The following MACROD2 variants were observed in gnomAD, a reference collection of about 807,000 sequenced individuals.
MACROD2 encodes the protein ADP-ribose glycohydrolase MACROD2.
MACROD2 carries 36 observed loss-of-function variants against 70.4 expected under a neutral mutation model. The ratio of observed to expected loss-of-function variants is 0.51; its 90% confidence interval spans 0.39 to 0.68. MACROD2 has a LOEUF of 0.68. Ranked by LOEUF, MACROD2 falls within the 30% of genes least tolerant of loss-of-function variation. MACROD2 has a pLI of 0.00. For synonymous variants in MACROD2, 172 were observed against 178.8 expected (o/e 0.96, Z 0.30); for missense variants, 496 against 538.4 (o/e 0.92, Z 0.78).
chr20:15,314,428 TTAAAA>T (rs1347780192), intron 6 of MACROD2, among the ~76,000 whole-genome samples: 6 of 152,178 alleles, frequency 3.9e-5, no homozygotes, highest in South Asian at 2.1e-4. Context: ...CCATCTTTAC[TTAAAA>T]TAAAATAATT....
intron 4 of MACROD2, among the ~76,000 whole-genome samples, chr20:14,602,561 A>G (rs1041321760): frequency 1.3e-5 from 2 of 152,198 alleles, no homozygotes. Flanking sequence ...GGTGAATTAA[A>G]TTGATTCTGT....
At chr20:14,861,299 C>T (rs934999095) in intron 5 of MACROD2, among the ~76,000 whole-genome samples, 4 of 152,008 alleles carry the variant, frequency 2.6e-5, no homozygotes, top group African/African-American at 9.7e-5. Context: ...GGGCATCCTG[C>T]AGAGATGTTG....
intron 3 of MACROD2, among the ~76,000 whole-genome samples, chr20:14,461,325 T>G (rs2084368682): frequency 6.6e-6 from 1 of 152,018 alleles, no homozygotes; most frequent in Non-Finnish European, 1.5e-5. Context: ...TTTTCTTCTT[T>G]AACAGTCTGG....
At chr20:14,544,440 G>A (rs987577188) in intron 4 of MACROD2, among the ~76,000 whole-genome samples, 1 of 151,230 alleles carries the variant, frequency 6.6e-6, no homozygotes, top group Non-Finnish European at 1.5e-5. Context: ...CTCTTTTTTC[G>A]GCTATAAGGC....
At chr20:15,228,481 TTC>T (rs2076930293) in intron 5 of MACROD2, among the ~76,000 whole-genome samples, 1 of 133,778 alleles carries the variant, frequency 7.5e-6, no homozygotes, top group Non-Finnish European at 1.6e-5. Context: ...TCTTTTTTCC[TTC>T]TTTCTTTTTT....
intron 5 of MACROD2, among the ~76,000 whole-genome samples, chr20:14,810,102 T>A (rs1568808596): frequency 6.6e-6 from 1 of 152,052 alleles, no homozygotes; most frequent in Non-Finnish European, 1.5e-5. Flanking sequence ...GCCAGCATCA[T>A]CCTGATACCA....
At chr20:14,460,961 CT>C (rs370132250) in intron 3 of MACROD2, among the ~76,000 whole-genome samples, 2,832 of 148,334 alleles carry the variant, frequency 0.019, 87 homozygotes, top group African/African-American at 0.064. Context: ...GGATTCCCCC[CT>C]TTTTTTTTTA....
chr20:15,696,678 G>GTTTTTTTTTTTTTTTTT (rs374403186), intron 8 of MACROD2, among the ~76,000 whole-genome samples: 2 of 88,756 alleles, frequency 2.3e-5, no homozygotes, highest in African/African-American at 4.2e-5. Context: ...TAGTCCTGGA[G>GTTTTTTTTTTTTTTTTT]TTTTTTTTTT....
intron 4 of MACROD2, among the ~76,000 whole-genome samples, chr20:14,646,886 G>C (rs776993638): frequency 1.3e-5 from 2 of 152,054 alleles, no homozygotes; most frequent in Non-Finnish European, 2.9e-5. Context: ...TTACGTGTGT[G>C]TTTGTGTGTT....
chr20:14,546,234 T>C (rs2085490463), intron 4 of MACROD2, among the ~76,000 whole-genome samples: 1 of 152,184 alleles, frequency 6.6e-6, no homozygotes, highest in Non-Finnish European at 1.5e-5. Context: ...AAGTAATTGC[T>C]AGAACTTTTT....
chr20:16,036,842 A>G lies in MACROD2; in HGVS notation c.1154-4359A>G, dbSNP rs2067243211. Among the ~76,000 whole-genome samples, 3 of 151,988 alleles carry G rather than the reference A, an allele frequency of 2.0e-5. No homozygotes were observed. In the South Asian group the frequency reaches 6.2e-4, roughly 31 times the overall value. ...ACATGCAAATTCACATAAACATACC[A>G]TTGCACACATATGCATCATATTCAC... On this transcript the variant is annotated intron_variant, in intron 15 of 17. Transcript: ENST00000684519.
chr20:14,989,884 G>T (rs186203509), intron 5 of MACROD2, among the ~76,000 whole-genome samples: 5 of 152,068 alleles, frequency 3.3e-5, no homozygotes, highest in African/African-American at 9.7e-5. Context: ...TGAAACTGCT[G>T]CCTGGAATTT....
intron 4 of MACROD2, among the ~76,000 whole-genome samples, chr20:14,494,604 C>T (rs2084833409): frequency 2.0e-5 from 3 of 152,102 alleles, no homozygotes; most frequent in Admixed American, 1.3e-4. Context: ...CTCCAAGCCT[C>T]AGTTACCTCA....
intron 3 of MACROD2, among the ~76,000 whole-genome samples, chr20:14,287,202 A>G (rs2082352149): frequency 6.6e-6 from 1 of 152,206 alleles, no homozygotes; most frequent in Admixed American, 6.5e-5. Flanking sequence ...GCAGATGGAT[A>G]TATAAGAATC....
intron 4 of MACROD2, among the ~76,000 whole-genome samples, chr20:14,550,374 T>G (rs1978573460): frequency 6.6e-6 from 1 of 152,168 alleles, no homozygotes; most frequent in South Asian, 2.1e-4. Context: ...TGTGTCCCTC[T>G]GAAAATTTTT....
At chr20:16,021,180 T>C (rs574767792) in intron 15 of MACROD2, among the ~76,000 whole-genome samples, 1 of 152,118 alleles carries the variant, frequency 6.6e-6, no homozygotes, top group African/African-American at 2.4e-5. Flanking sequence ...GTAGTATTAT[T>C]CTCCAAAAGT....
At chr20:14,293,069 A>G (rs2082399113) in intron 3 of MACROD2, among the ~76,000 whole-genome samples, 1 of 151,872 alleles carries the variant, frequency 6.6e-6, no homozygotes, top group Non-Finnish European at 1.5e-5. Flanking sequence ...ATTAAGAACT[A>G]AGAGACATCA....
At chr20:14,098,890 C>A (rs1279052870) in intron 3 of MACROD2, among the ~76,000 whole-genome samples, 3 of 152,102 alleles carry the variant, frequency 2.0e-5, no homozygotes, top group Non-Finnish European at 4.4e-5. Context: ...TCTTGACTTT[C>A]TGTTGAGCAG....
At chr20:15,938,102 GGA>G (rs1214262410) in intron 12 of MACROD2, among the ~76,000 whole-genome samples, 1 of 151,460 alleles carries the variant, frequency 6.6e-6, no homozygotes, top group Admixed American at 6.6e-5. Context: ...TACTTTTCTA[GGA>G]GACAGTTTGA....
Sources: gnomAD v4.1 joint callset for allele counts (sites outside exome capture counted in the v4.1 genomes callset) on GRCh38, gnomAD v4.1.1 for gene constraint, MANE v1.5 for transcripts, NCBI Gene and HGNC (gene_info 2026-07-23, HGNC 2026-07-21) for gene names.